SEC61A1: variants seen among roughly 807,000 people sequenced by gnomAD.
The protein encoded by SEC61A1 is SEC61 translocon subunit alpha 1.
A neutral mutation model predicts 55.2 loss-of-function variants in SEC61A1; 15 were observed. That is an observed-to-expected ratio of 0.27 (90% confidence interval 0.18 to 0.42). The LOEUF is 0.42. SEC61A1 is among the 10% of genes least tolerant of loss of function. The pLI is 1.00. For missense variants in SEC61A1, 284 were observed against 602.6 expected, an observed-to-expected ratio of 0.47 and a Z score of 5.53; for synonymous variants, 247 against 234.0, an observed-to-expected ratio of 1.06 and a Z score of -0.51.
At chr3:128,057,987 TG>T (rs1941797870) in intron 5 of SEC61A1, among the ~76,000 whole-genome samples, 1 of 152,094 alleles carries the variant, frequency 6.6e-6, no homozygotes, top group Non-Finnish European at 1.5e-5. Flanking sequence ...TCTGTAAAAA[TG>T]GGGATAATAA....
At chr3:128,060,380 T>C in intron 6 of SEC61A1, 128 bp from the exon 7 acceptor site, 4 of 1,148,790 alleles carry the variant, frequency 3.5e-6, no homozygotes, top group Non-Finnish European at 5.1e-6. Flanking sequence ...TACTGACCGC[T>C]CTCTGGGGCT....
intron 7 of SEC61A1, among the ~76,000 whole-genome samples, chr3:128,063,197 G>T (rs1941875576): frequency 6.6e-6 from 1 of 152,200 alleles, no homozygotes. Flanking sequence ...TTAGGCACAA[G>T]GGAATGGACA....
chr3:128,069,171 T>C (rs1942076953), intron 11 of SEC61A1, among the ~76,000 whole-genome samples: 2 of 152,234 alleles, frequency 1.3e-5, no homozygotes, highest in South Asian at 4.1e-4. Context: ...ATTTCAACAT[T>C]ATAATTAATG....
chr3:128,068,803 A>G (rs367945939), intron 11 of SEC61A1: 2 of 152,568 alleles, frequency 1.3e-5, no homozygotes, highest in East Asian at 3.9e-4. Context: ...CATCTCTTCC[A>G]TCGTCACTCA....
intron 8 of SEC61A1, among the ~76,000 whole-genome samples, chr3:128,066,119 C>T (rs1310940182): frequency 6.6e-6 from 1 of 152,072 alleles, no homozygotes; most frequent in Non-Finnish European, 1.5e-5. Context: ...TAAACCCTTT[C>T]TAGTCTCCAG....
At chr3:128,065,448 TA>T (rs1332063683) in intron 8 of SEC61A1, among the ~76,000 whole-genome samples, 1 of 152,248 alleles carries the variant, frequency 6.6e-6, no homozygotes, top group Non-Finnish European at 1.5e-5. Context: ...GTCTTACCTT[TA>T]AAAGTATTCC....
At chr3:128,056,637 G>C (rs9827668) in intron 4 of SEC61A1, 72 bp from the exon 5 acceptor site, 2 of 1,346,550 alleles carry the variant, frequency 1.5e-6, no homozygotes, top group East Asian at 5.3e-5. Context: ...CAAATTTTGC[G>C]TATTCATTTT....
chr3:128,069,556 G>T lies in SEC61A1; in HGVS notation c.1325G>T (p.Gly442Val). 1.2e-6 allele frequency: 2 copies of T among 1,614,102 alleles called. No individual in the cohort carries two copies. The highest frequency in any genetic ancestry group is 1.7e-6 in the Non-Finnish European group (2 of 1,180,030). Reference sequence around the variant, plus strand: ...CTGGCTGACTTCCTAGGCGCCATTGGGTCTGGAACCGGGATCCTGCTCGCA... The same window carrying T: ...CTGGCTGACTTCCTAGGCGCCATTGTGTCTGGAACCGGGATCCTGCTCGCA... Reference protein sequence around the residue: ...SVLADFLGAIGSGTGILLAVT... With the variant: ...SVLADFLGAIVSGTGILLAVT... The change falls in exon 12 of 12, where the codon GGG (glycine) becomes GTG (valine). Residue 442 changes from glycine (G) to valine (V), a missense_variant. Physicochemically the swap from Gly to Val is moderately radical, Grantham distance 109. Coordinates refer to ENST00000243253, the MANE Select transcript of SEC61A1 (RefSeq NM_013336.4).
At position 128,064,972 on chromosome 3, in the gene SEC61A1, A is replaced by G; in HGVS notation, c.712A>G (p.Asn238Asp). ...CCTTCGGGAGGCGTTCTACCGCCAG[A>G]ATCTTCCCAACCTCATGAATCTCAT... ...RALREAFYRQ[N>D]LPNLMNLIAT... Residue 238 changes from asparagine (N) to aspartate (D), a missense_variant, in exon 8 of 12, where the codon AAT becomes GAT. Asn to Asp is a conservative substitution (Grantham distance 23). Transcript: ENST00000243253. 6.2e-7 allele frequency: 1 copy of G among 1,614,212 alleles called. No homozygotes were observed. The highest frequency in any genetic ancestry group is 8.5e-7 in the Non-Finnish European group (1 of 1,180,022).
chr3:128,060,021 C>A, intron 5 of SEC61A1, 81 bp from the exon 6 acceptor site: 2 of 994,246 alleles, frequency 2.0e-6, no homozygotes, highest in Non-Finnish European at 3.2e-6. Context: ...CCGTGCCTGG[C>A]GTTGAATTGG....
intron 5 of SEC61A1, 40 bp from the exon 6 acceptor site, chr3:128,060,062 A>G: frequency 7.0e-7 from 1 of 1,419,784 alleles, no homozygotes; most frequent in Non-Finnish European, 1.0e-6. Context: ...TGTTCTGTGT[A>G]GTGACCCACT....
intron 8 of SEC61A1, chr3:128,066,663 A>G (rs1941990286): frequency 2.4e-6 from 1 of 416,564 alleles, no homozygotes; most frequent in South Asian, 3.9e-5. Context: ...GGCTCAAGCA[A>G]TTCTCCCACC....
chr3:128,052,368 A>G (rs1941695671), upstream of SEC61A1: 1 of 1,004,800 alleles, frequency 1.0e-6, no homozygotes, highest in Non-Finnish European at 1.2e-6. Context: ...CAGGAAGCGG[A>G]AGCGATCCGA....
At chr3:128,062,213 A>G (rs1941862435) in intron 7 of SEC61A1, among the ~76,000 whole-genome samples, 1 of 152,226 alleles carries the variant, frequency 6.6e-6, no homozygotes, top group Admixed American at 6.5e-5. Flanking sequence ...CACGAGATGC[A>G]TTCAGGAAGG....
chr3:128,068,525 G>A (rs968082075), intron 11 of SEC61A1: 2 of 163,640 alleles, frequency 1.2e-5, no homozygotes, highest in African/African-American at 4.8e-5. Context: ...GCACGGAAGG[G>A]GTTGATGTGC....
chr3:128,064,966 C>T lies in SEC61A1; in HGVS notation c.706C>T (p.Arg236Cys), dbSNP rs2107647591. Residue 236 changes from arginine to cysteine, a missense_variant, in exon 8 of 12, where the codon CGC (arginine) becomes TGC (cysteine). Physicochemically the swap from Arg to Cys is radical, Grantham distance 180 (BLOSUM62 -3). Coordinates refer to ENST00000243253, the MANE Select transcript of SEC61A1 (RefSeq NM_013336.4). ...KVRALREAFY[R>C]QNLPNLMNLI... ...CCGAGCCCTTCGGGAGGCGTTCTACCGCCAGAATCTTCCCAACCTCATGAA... is the reference window on the plus strand; with the variant it reads ...CCGAGCCCTTCGGGAGGCGTTCTACTGCCAGAATCTTCCCAACCTCATGAA... 6.2e-7 allele frequency: 1 copy of T among 1,614,180 alleles called. No individual in the cohort carries two copies. The highest frequency in any genetic ancestry group is 1.1e-5 in the South Asian group (1 of 91,088).
Position 128,052,450 on chromosome 3 carries a change from G to A in SEC61A1, c.-103G>A. 1 of 1,446,882 alleles carries A rather than the reference G, an allele frequency of 6.9e-7. No individual in the cohort carries two copies. 89.6% of individuals were successfully genotyped at this position (1,446,882 alleles called of 1,614,324 possible). On this transcript the variant is annotated 5_prime_UTR_variant, in exon 1 of 12. Transcript: ENST00000243253. ...CGGGCTAGCACTGACGTGTCTCTCG[G>A]CGGAGCTGCTGTGCAGTGGAACGCG...
At position 128,052,437 on chromosome 3, in the gene SEC61A1, G is replaced by A; in HGVS notation, c.-116G>A. The A allele has an allele frequency of 2.1e-6, 3 of 1,418,114 alleles. No individual in the cohort carries two copies. Among genetic ancestry groups the A allele is most frequent in the Non-Finnish European group, 1.8e-6 (2 of 1,083,242 alleles). 87.8% of individuals were successfully genotyped at this position (1,418,114 alleles called of 1,614,324 possible). A position where few individuals can be genotyped will look rare whatever the true frequency, so the allele number is the denominator to read the frequency against. ...CGCCGCTTGCCGCCGGGCTAGCACT[G>A]ACGTGTCTCTCGGCGGAGCTGCTGT... is the stretch of plus-strand genomic sequence containing the variant. On this transcript the variant is annotated 5_prime_UTR_variant, in exon 1 of 12. Coordinates refer to ENST00000243253, the MANE Select transcript of SEC61A1 (RefSeq NM_013336.4).
chr3:128,057,824 C>A (rs1941794714), intron 5 of SEC61A1, among the ~76,000 whole-genome samples: 1 of 65,300 alleles, frequency 1.5e-5, no homozygotes, highest in African/African-American at 6.5e-5. Flanking sequence ...AAAGCCATTG[C>A]ACTCAAACAT....
Sources: allele counts gnomAD v4.1 joint callset (sites outside exome capture counted in the v4.1 genomes callset), GRCh38; gene constraint gnomAD v4.1.1; transcripts MANE v1.5; gene names NCBI Gene and HGNC (gene_info 2026-07-23, HGNC 2026-07-21).